The following RNF135 variants were observed in gnomAD, a reference collection of about 807,000 sequenced individuals.
The protein encoded by RNF135 is E3 ubiquitin-protein ligase RNF135.
In RNF135, 46 loss-of-function variants were observed where a neutral mutation model predicts 41.9. That is an observed-to-expected ratio of 1.10 (90% CI 0.87 to 1.40). The LOEUF is 1.40. Ranked by LOEUF, RNF135 falls within the 40% of genes most tolerant of loss-of-function variation. RNF135 has a pLI of 0.00. For missense variants in RNF135, 539 were observed against 549.8 expected (o/e 0.98, Z 0.20); for synonymous variants, 238 against 223.8 (o/e 1.06, Z -0.57).
intron 1 of RNF135, among the ~76,000 whole-genome samples, chr17:30,976,302 C>A (rs527388231): frequency 6.6e-6 from 1 of 152,192 alleles, no homozygotes; most frequent in African/African-American, 2.4e-5. Flanking sequence ...CCACGCCCAG[C>A]CTATTTCAAT....
intron 3 of RNF135, among the ~76,000 whole-genome samples, chr17:30,994,843 G>A (rs192496673): frequency 1.2e-3 from 180 of 151,414 alleles, no homozygotes; most frequent in African/African-American, 4.1e-3. Context: ...TCACCATGTT[G>A]GCCAGGCTGG....
the RNF135 span, chr17:30,959,181 G>A: frequency 6.6e-6 from 1 of 152,182 alleles, no homozygotes. Context: ...TAAAGGTACA[G>A]TCTTGCCTTC....
chr17:30,970,007 C>A (rs566216686), upstream of RNF135, among the ~76,000 whole-genome samples: 120 of 152,116 alleles, frequency 7.9e-4, no homozygotes, highest in African/African-American at 2.6e-3. Flanking sequence ...GAACTCCTGA[C>A]TTCAAGTGAT....
In RNF135 at chr17:30,995,345, G is replaced by A. The variant is rs374913333; in HGVS notation, c.680-1897G>A. On this transcript the variant is annotated intron_variant, in intron 3 of 4. Coordinates refer to ENST00000328381, the MANE Select transcript of RNF135 (RefSeq NM_032322.4). ...GGAGCTTGCAGTGAGCTGAGATTGC[G>A]CCATCGCACTCCAGCCTGGGCGACA... Among the ~76,000 whole-genome samples, 82 of 150,752 alleles carry A rather than the reference G, an allele frequency of 5.4e-4. 2 individuals are homozygous for A. Among genetic ancestry groups the A allele is most frequent in the African/African-American group, 1.8e-3 (73 of 41,252 alleles).
chr17:30,992,382 T>C (rs1266255620), intron 3 of RNF135, among the ~76,000 whole-genome samples: 4 of 152,048 alleles, frequency 2.6e-5, no homozygotes, highest in Non-Finnish European at 4.4e-5. Context: ...TTTTTTTTTT[T>C]TTTTTTAGAG....
chr17:30,983,556 G>T (rs1031902395), intron 1 of RNF135, among the ~76,000 whole-genome samples: 1 of 150,708 alleles, frequency 6.6e-6, no homozygotes, highest in Non-Finnish European at 1.5e-5. Flanking sequence ...GTTTCACCAG[G>T]TTGGCCAGGA....
chr17:30,979,734 G>A (rs1469389277), intron 1 of RNF135, among the ~76,000 whole-genome samples: 71 of 110,182 alleles, frequency 6.4e-4, no homozygotes, highest in East Asian at 1.7e-3. Context: ...CCTCCCTCCC[G>A]GACGGGGCGG....
chr17:30,984,805 T>G (rs756244421), intron 2 of RNF135, 45 bp downstream of exon 2: 1 of 1,601,310 alleles, frequency 6.2e-7, no homozygotes, highest in Non-Finnish European at 8.6e-7. Context: ...GGAATAGGGC[T>G]AGGGATTGCT....
upstream of RNF135, among the ~76,000 whole-genome samples, chr17:30,966,403 T>A (rs938112896): frequency 4.4e-4 from 60 of 136,136 alleles, no homozygotes; most frequent in African/African-American, 1.9e-3. Flanking sequence ...ATTATTTTTT[T>A]ATTTTATTTT....
intron 1 of RNF135, chr17:30,971,732 A>C (rs1256398789): frequency 7.7e-7 from 1 of 1,297,200 alleles, no homozygotes; most frequent in Non-Finnish European, 9.7e-7. Flanking sequence ...TTTCTCTGAA[A>C]CTTGTAAAAT....
rs755622504 is a variant in RNF135 at position 30,971,450 on chromosome 17, G to A, written c.372+5G>A. 1.2e-5 allele frequency: 18 copies of A among 1,497,986 alleles called. No homozygotes were observed. The South Asian group carries it at 2.1e-4, about 18-fold the overall frequency. The allele number at this position is 1,497,986 out of a possible 1,614,324, so 92.8% of individuals were successfully genotyped here. On this transcript the variant is annotated splice_donor_5th_base_variant and intron_variant, in intron 1 of 4. Coordinates refer to ENST00000328381, the MANE Select transcript of RNF135 (RefSeq NM_032322.4). ...CGCCGCCCGGAACTGCAGCGGGTAG[G>A]GAGGCCGGGCCCGCAGCTCCCCTGG...
chr17:30,971,210 A>T lies in RNF135; in HGVS notation c.137A>T (p.Glu46Val), dbSNP rs1299363534. The T allele has an allele frequency of 6.6e-7, 1 of 1,522,008 alleles. No homozygotes were observed. Among genetic ancestry groups the T allele is most frequent in the Non-Finnish European group, 8.8e-7 (1 of 1,141,314 alleles). 94.3% of individuals were successfully genotyped at this position (1,522,008 alleles called of 1,614,324 possible). ...CGHSFCRHCL[E>V]ALWGARDARR... ...CACAGCTTCTGCCGCCACTGCCTGG[A>T]GGCCCTGTGGGGCGCCCGCGACGCC... The change falls in exon 1 of 5, where the codon GAG (glutamate) becomes GTG (valine). Residue 46 changes from glutamate (E) to valine (V), a missense_variant. Glu to Val is a moderately radical substitution (Grantham distance 121, BLOSUM62 -2). Coordinates refer to ENST00000328381, the MANE Select transcript of RNF135 (RefSeq NM_032322.4).
intron 2 of RNF135, among the ~76,000 whole-genome samples, chr17:30,986,570 G>T (rs953643413): frequency 3.9e-5 from 6 of 152,208 alleles, no homozygotes; most frequent in Admixed American, 6.6e-5. Context: ...TACAGTAGGG[G>T]TTCAACAAAT....
chr17:30,988,645 C>T (rs963057982), intron 3 of RNF135, among the ~76,000 whole-genome samples: 1 of 151,492 alleles, frequency 6.6e-6, no homozygotes, highest in African/African-American at 2.4e-5. Context: ...CGAGGATGGT[C>T]TCAATCTCCT....
chr17:30,990,670 G>A (rs746915535), intron 3 of RNF135, among the ~76,000 whole-genome samples: 9 of 152,056 alleles, frequency 5.9e-5, no homozygotes, highest in Non-Finnish European at 8.8e-5. Flanking sequence ...AAATGTCAGC[G>A]AATATGAATT....
chr17:30,997,063 T>G (rs996915199), intron 3 of RNF135, among the ~76,000 whole-genome samples, 179 bp from the exon 4 acceptor site: 5 of 152,112 alleles, frequency 3.3e-5, no homozygotes, highest in African/African-American at 1.2e-4. Flanking sequence ...AGTGAGAACA[T>G]GGAGGTGCAC....
upstream of RNF135, among the ~76,000 whole-genome samples, chr17:30,966,388 A>ATTTTTT (rs1905550588): frequency 7.8e-6 from 1 of 127,788 alleles, no homozygotes; most frequent in African/African-American, 4.7e-5. Context: ...TTTAAGTTTT[A>ATTTTTT]TTTTATTATT....
intron 1 of RNF135, among the ~76,000 whole-genome samples, chr17:30,981,737 G>A (rs1220699399): frequency 2.0e-5 from 3 of 152,232 alleles, no homozygotes; most frequent in Non-Finnish European, 2.9e-5. Context: ...TGGGCGTTGT[G>A]ATCTAAGCCG....
intron 1 of RNF135, among the ~76,000 whole-genome samples, chr17:30,974,397 G>A (rs1212328236): frequency 2.0e-5 from 3 of 151,770 alleles, no homozygotes; most frequent in Admixed American, 6.6e-5. Context: ...AGAACCCCTC[G>A]CAATTCCATC....
Sources: allele counts gnomAD v4.1 joint callset (sites outside exome capture counted in the v4.1 genomes callset), GRCh38; gene constraint gnomAD v4.1.1; transcripts MANE v1.5; gene names NCBI Gene and HGNC (gene_info 2026-07-23, HGNC 2026-07-21).